Variants in ONECUT2 observed in about 807,000 individuals in gnomAD.
The protein encoded by ONECUT2 is one cut homeobox 2.
ONECUT2 carries 10 observed loss-of-function variants against 27.9 expected under a neutral mutation model. The observed-to-expected ratio is 0.36, with a 90% confidence interval of 0.22 to 0.61. The LOEUF is 0.61. Among genes scored for constraint, ONECUT2 ranks in the 20% least tolerant of loss-of-function variants. The probability of loss-of-function intolerance (pLI) is 0.73; values close to 1 mark genes in which losing one functional copy is unlikely to be tolerated. For synonymous variants in ONECUT2, 334 were observed against 315.1 expected (o/e 1.06, Z -0.64); for missense variants, 686 against 721.0 (o/e 0.95, Z 0.56).
intron 1 of ONECUT2, among the ~76,000 whole-genome samples, chr18:57,452,188 A>T (rs1234610012): frequency 1.3e-5 from 2 of 152,106 alleles, no homozygotes; most frequent in African/African-American, 4.8e-5. Flanking sequence ...CTTTGTATTG[A>T]GACTGTTTGT....
intron 1 of ONECUT2, among the ~76,000 whole-genome samples, chr18:57,440,683 G>T (rs915338163): frequency 1.3e-5 from 2 of 152,228 alleles, no homozygotes; most frequent in African/African-American, 4.8e-5. Context: ...CCTGCTAGGG[G>T]CACCGCGTGC....
chr18:57,459,214 C>T (rs565087452), intron 1 of ONECUT2, among the ~76,000 whole-genome samples: 31 of 152,234 alleles, frequency 2.0e-4, no homozygotes, highest in African/African-American at 5.5e-4. Context: ...AGACACACAT[C>T]GACTGAAAGT....
chr18:57,456,119 C>T (rs1248792745), intron 1 of ONECUT2, among the ~76,000 whole-genome samples: 2 of 152,156 alleles, frequency 1.3e-5, no homozygotes, highest in South Asian at 4.1e-4. Flanking sequence ...AAAATTGGAA[C>T]CTTGTGTGCT....
At position 57,476,441 on chromosome 18, in the gene ONECUT2, C is replaced by T. The variant is rs2050382156; in HGVS notation, c.1233C>T (p.Cys411=). ...CTTCTTCTCTTTCCCTTCAAGCGTG[C>T]AAACGCAAAGAGCAAGAACCAAACA... The part of the protein sequence containing the change: ...QRMSALRLAA[C]KRKEQEPNKD... The change falls in exon 2 of 2, where the codon TGC becomes TGT. Residue 411 remains cysteine (C), a synonymous_variant. Transcript: ENST00000491143. 1.2e-6 allele frequency: 2 copies of T among 1,613,704 alleles called. No individual in the cohort carries two copies. Among genetic ancestry groups the T allele is most frequent in the East Asian group, 4.5e-5 (2 of 44,860 alleles).
At chr18:57,463,488 AAAGGAAGGAAAG>A (rs1177371292) in intron 1 of ONECUT2, among the ~76,000 whole-genome samples, 2 of 152,104 alleles carry the variant, frequency 1.3e-5, no homozygotes, top group Non-Finnish European at 2.9e-5. Flanking sequence ...TTTCCTCTTG[AAAGGAAGGAAAG>A]AAGGAAGGAA....
rs930504015 is a variant in ONECUT2 at position 57,490,351 on chromosome 18, G to A, written c.*13628G>A. ...CACTTTAGACCCTGGCCTCAGATGT[G>A]TTTATTCTTGCTATTTAAAAATACC... On this transcript the variant is annotated 3_prime_UTR_variant, in exon 2 of 2. Coordinates refer to ENST00000491143, the MANE Select transcript of ONECUT2 (RefSeq NM_004852.3). The A allele has an allele frequency of 3.9e-5, 6 of 152,106 alleles. No individual in the cohort carries two copies. Among genetic ancestry groups the A allele is most frequent in the Admixed American group, 2.6e-4 (4 of 15,264 alleles). 9.4% of individuals were successfully genotyped at this position (152,106 alleles called of 1,614,324 possible). A position where few individuals can be genotyped will look rare whatever the true frequency, so the allele number is the denominator to read the frequency against.
In ONECUT2 at chr18:57,479,762, G is replaced by A. The variant is rs1164288440; in HGVS notation, c.*3039G>A. 6.6e-6 allele frequency: 1 copy of A among 152,420 alleles called. No homozygotes were observed. Among genetic ancestry groups the A allele is most frequent in the Non-Finnish European group, 1.5e-5 (1 of 68,040 alleles). The allele number at this position is 152,420 out of a possible 1,614,324, so 9.4% of individuals were successfully genotyped here. On this transcript the variant is annotated 3_prime_UTR_variant, in exon 2 of 2. Transcript: ENST00000491143. ...CTGTAACTGTTGGGAAGGCTCGGTG[G>A]TCCATTTTCACCAGTTAAAGAATAT...
In ONECUT2 at chr18:57,435,771, G is replaced by A. The variant is rs762574033; in HGVS notation, c.55G>A (p.Ala19Thr). The A allele has an allele frequency of 2.4e-6, 3 of 1,267,132 alleles. No individual in the cohort carries two copies. Among genetic ancestry groups the A allele is most frequent in the African/African-American group, 1.6e-5 (1 of 62,486 alleles). 78.5% of individuals were successfully genotyped at this position (1,267,132 alleles called of 1,614,324 possible). ...CCTCACCAAAGACCTAGAAGGCTGC[G>A]CCATGAACCCGGAGCTGACAATGGA... ...RCLTKDLEGC[A>T]MNPELTMESL... Residue 19 changes from alanine to threonine, a missense_variant, in exon 1 of 2, where the codon GCC becomes ACC. By Grantham distance (58) the Ala-to-Thr change is moderately conservative (BLOSUM62 0). Transcript: ENST00000491143.
intron 1 of ONECUT2, among the ~76,000 whole-genome samples, chr18:57,467,529 C>T (rs2050330031): frequency 1.2e-5 from 1 of 85,118 alleles, no homozygotes; most frequent in African/African-American, 2.8e-5. Flanking sequence ...CCACACTTGG[C>T]TAATTTTTTT....
Position 57,436,378 on chromosome 18 carries a change from G to A in ONECUT2, c.662G>A (p.Ser221Asn), listed in dbSNP as rs1219255270. 3 of 1,608,514 alleles carry A rather than the reference G, an allele frequency of 1.9e-6. No homozygotes were observed. Among genetic ancestry groups the A allele is most frequent in the Admixed American group, 1.7e-5 (1 of 59,992 alleles). The change falls in exon 1 of 2, where the codon AGC becomes AAC. Residue 221 changes from serine to asparagine, a missense_variant. By Grantham distance (46) the Ser-to-Asn change is conservative (BLOSUM62 1). Around this residue, in one of 4 missense-constraint regions of ONECUT2, gnomAD observed 511 missense variants for 488.1 expected, o/e 1.05. Transcript: ENST00000491143. This position sits in a 1 kb window ranked among gnomAD's most constrained non-coding sequence, Gnocchi z 5.9. ...CCCTACAAGGAGATGCCCGGCATGA[G>A]CCAGAGCCTGTCCCCGCTGGCCGCC... Reference protein sequence around the residue: ...YSPYKEMPGMSQSLSPLAATP... With the variant: ...YSPYKEMPGMNQSLSPLAATP...
Position 57,435,758 on chromosome 18 carries a change from C to G in ONECUT2, c.42C>G (p.Asp14Glu). 7.9e-7 allele frequency: 1 copy of G among 1,270,414 alleles called. No homozygotes were observed. Among genetic ancestry groups the G allele is most frequent in the Non-Finnish European group, 1.0e-6 (1 of 973,580 alleles). The allele number at this position is 1,270,414 out of a possible 1,614,324, so 78.7% of individuals were successfully genotyped here. ...AYTAYRCLTK[D>E]LEGCAMNPEL... ...CCGCCTATCGATGCCTCACCAAAGACCTAGAAGGCTGCGCCATGAACCCGG... is the reference window on the plus strand; with the variant it reads ...CCGCCTATCGATGCCTCACCAAAGAGCTAGAAGGCTGCGCCATGAACCCGG... Residue 14 changes from aspartate (D) to glutamate (E), a missense_variant, in exon 1 of 2, where the codon GAC becomes GAG. This residue lies in a region of ONECUT2 where 511 missense variants were observed against 488.1 expected (regional missense o/e 1.05). Coordinates refer to ENST00000491143, the MANE Select transcript of ONECUT2 (RefSeq NM_004852.3).
intron 1 of ONECUT2, among the ~76,000 whole-genome samples, chr18:57,437,262 A>G (rs1021236175): frequency 3.3e-5 from 5 of 150,054 alleles, no homozygotes; most frequent in African/African-American, 1.2e-4. Flanking sequence ...CTTCCCAGGT[A>G]CTGGGAGGCG....
At chr18:57,462,298 C>CTGGAT (rs2050296344) in intron 1 of ONECUT2, among the ~76,000 whole-genome samples, 1 of 152,184 alleles carries the variant, frequency 6.6e-6, no homozygotes, top group Non-Finnish European at 1.5e-5. Flanking sequence ...TTTATATATT[C>CTGGAT]TGGATTCAGG....
At position 57,435,853 on chromosome 18, in the gene ONECUT2, G is replaced by C; in HGVS notation, c.137G>C (p.Gly46Ala). ...AGGGSGGGGG[G>A]GGGGGGGGPG... ...GGCGGCAGTGGCGGGGGCGGCGGCG[G>C]GGGCGGCGGGGGCGGCGGCGGGGGC... Residue 46 changes from glycine (G) to alanine (A), a missense_variant, in exon 1 of 2, where the codon GGG becomes GCG. Physicochemically the swap from Gly to Ala is moderately conservative, Grantham distance 60. This residue lies in a region of ONECUT2 where 511 missense variants were observed against 488.1 expected (regional missense o/e 1.05). Transcript: ENST00000491143. 9.9e-7 allele frequency: 1 copy of C among 1,006,544 alleles called. No individual in the cohort carries two copies. The highest frequency in any genetic ancestry group is 1.2e-6 in the Non-Finnish European group (1 of 843,050). The allele number at this position is 1,006,544 out of a possible 1,614,324, so 62.4% of individuals were successfully genotyped here.
intron 1 of ONECUT2, among the ~76,000 whole-genome samples, chr18:57,463,245 A>G (rs1381235531): frequency 3.9e-5 from 6 of 152,146 alleles, no homozygotes; most frequent in Admixed American, 6.5e-5. Flanking sequence ...TCCAGTGTCC[A>G]TATGTGTATG....
chr18:57,446,127 C>T (rs939096308), intron 1 of ONECUT2, among the ~76,000 whole-genome samples: 4 of 152,220 alleles, frequency 2.6e-5, no homozygotes, highest in Non-Finnish European at 2.9e-5. Context: ...AGGTTGGGGT[C>T]GCATCCTGCT....
At chr18:57,462,987 C>T (rs2050301541) in intron 1 of ONECUT2, among the ~76,000 whole-genome samples, 1 of 152,060 alleles carries the variant, frequency 6.6e-6, no homozygotes, top group South Asian at 2.1e-4. Flanking sequence ...CCGCCTCGGC[C>T]TCCCAAAGTA....
At chr18:57,465,399 A>G (rs2050315859) in intron 1 of ONECUT2, among the ~76,000 whole-genome samples, 1 of 152,196 alleles carries the variant, frequency 6.6e-6, no homozygotes, top group Non-Finnish European at 1.5e-5. Context: ...CCTGGGCTTA[A>G]GCAATCCGCC....
intron 1 of ONECUT2, among the ~76,000 whole-genome samples, chr18:57,475,750 T>A (rs1003079544): frequency 4.6e-5 from 7 of 152,180 alleles, no homozygotes; most frequent in Non-Finnish European, 8.8e-5. Flanking sequence ...TCCCCCACCC[T>A]CATCCCCTGT....
Sources: allele counts gnomAD v4.1 joint callset (sites outside exome capture counted in the v4.1 genomes callset), GRCh38; gene constraint gnomAD v4.1.1; regional missense constraint gnomAD v4.1.1; non-coding constraint Gnocchi (gnomAD v3.1); transcripts MANE v1.5; gene names NCBI Gene and HGNC (gene_info 2026-07-23, HGNC 2026-07-21).